CRIM1: variants seen among roughly 807,000 people sequenced by gnomAD.
CRIM1 encodes cysteine-rich motor neuron 1 protein.
Under a neutral mutation model 116.4 loss-of-function variants are expected in CRIM1, and 32 were observed. That is an observed-to-expected ratio of 0.27 (90% confidence interval 0.21 to 0.37). The LOEUF (loss-of-function observed/expected upper bound fraction) is 0.37, where lower values mean the gene tolerates loss of function less well. Ranked by LOEUF, CRIM1 falls within the 10% of genes least tolerant of loss-of-function variation. The pLI is 1.00. For missense variants in CRIM1, 1,331 were observed against 1,354.8 expected (o/e 0.98, Z 0.28); for synonymous variants, 590 against 509.2 (o/e 1.16, Z -2.13).
chr2:36,488,024 A>G (rs577411866), intron 7 of CRIM1, among the ~76,000 whole-genome samples: 2 of 152,272 alleles, frequency 1.3e-5, no homozygotes, highest in South Asian at 4.2e-4. Context: ...TAGTTATCCA[A>G]TTCCACTTCT....
At chr2:36,485,939 A>G (rs950856377) in intron 7 of CRIM1, among the ~76,000 whole-genome samples, 2 of 152,222 alleles carry the variant, frequency 1.3e-5, no homozygotes, top group African/African-American at 4.8e-5. Context: ...AACACAGTCT[A>G]TTTTTTGCTT....
intron 2 of CRIM1, among the ~76,000 whole-genome samples, chr2:36,439,864 C>T (rs981304568): frequency 1.3e-5 from 2 of 152,172 alleles, no homozygotes; most frequent in East Asian, 1.9e-4. Context: ...TCATCCTCCA[C>T]CACCATATCA....
intron 2 of CRIM1, among the ~76,000 whole-genome samples, chr2:36,424,583 G>A (rs1476509678): frequency 6.6e-6 from 1 of 152,168 alleles, no homozygotes; most frequent in African/African-American, 2.4e-5. Context: ...CATGGCCACT[G>A]TGCTACTTCA....
In CRIM1 at chr2:36,537,477, G is replaced by A. The variant is rs373582535; in HGVS notation, c.2554G>A (p.Val852Ile). The change falls in exon 14 of 17, where the codon GTC (valine) becomes ATC (isoleucine). Residue 852 changes from valine (V) to isoleucine (I), a missense_variant. Val to Ile is a conservative substitution (Grantham distance 29). This residue lies in a region of CRIM1 where 283 missense variants were observed against 242.8 expected (regional missense o/e 1.17). Transcript: ENST00000280527. ...CLQGQTLCST[V>I]SCPPLPCVEP... The stretch of plus-strand genomic sequence containing the variant: ...GCAGGGCCAGACCCTCTGCTCGACC[G>A]TCAGCTGCCCCCCTCTGCCCTGTGT... The A allele has an allele frequency of 1.1e-5, 17 of 1,614,174 alleles. No individual in the cohort carries two copies. The highest frequency in any genetic ancestry group is 2.7e-5 in the African/African-American group (2 of 75,074).
chr2:36,418,303 T>C (rs895546766), intron 2 of CRIM1, among the ~76,000 whole-genome samples: 5 of 152,164 alleles, frequency 3.3e-5, no homozygotes, highest in African/African-American at 1.2e-4. Flanking sequence ...ATGTTTGAGC[T>C]CTTTTTATTG....
intron 14 of CRIM1, among the ~76,000 whole-genome samples, chr2:36,543,183 C>T (rs2125184545): frequency 6.6e-6 from 1 of 152,274 alleles, no homozygotes; most frequent in Non-Finnish European, 1.5e-5. Context: ...TGAATCCCAG[C>T]TCTACCACTT....
At chr2:36,429,206 A>G (rs189135640) in intron 2 of CRIM1, among the ~76,000 whole-genome samples, 1 of 152,362 alleles carries the variant, frequency 6.6e-6, no homozygotes, top group African/African-American at 2.4e-5. Context: ...ATTCCCAACT[A>G]CTGGCATGTG....
intron 2 of CRIM1, among the ~76,000 whole-genome samples, chr2:36,411,231 A>G (rs60570643): frequency 0.016 from 2,459 of 152,238 alleles, 68 homozygotes; most frequent in African/African-American, 0.057. Flanking sequence ...TTCAAATACA[A>G]TTATTATGTG....
chr2:36,458,160 G>C (rs1235800966), intron 4 of CRIM1, among the ~76,000 whole-genome samples: 1 of 152,208 alleles, frequency 6.6e-6, no homozygotes, highest in African/African-American at 2.4e-5. Flanking sequence ...GGCAGAGGAA[G>C]ATCAGAGTCT....
intron 13 of CRIM1, chr2:36,529,470 C>A: frequency 5.0e-6 from 1 of 200,240 alleles, no homozygotes; most frequent in Non-Finnish European, 1.0e-5. Context: ...TTGTTTCTGC[C>A]TGCCTTTTAA....
At chr2:36,544,799 T>G (rs1667200344) in intron 15 of CRIM1, among the ~76,000 whole-genome samples, 2 of 152,208 alleles carry the variant, frequency 1.3e-5, no homozygotes, top group South Asian at 4.1e-4. Context: ...ATCTGGAACT[T>G]CTAAGCCATC....
At chr2:36,541,813 G>C (rs1162078037) in intron 14 of CRIM1, among the ~76,000 whole-genome samples, 3 of 152,116 alleles carry the variant, frequency 2.0e-5, no homozygotes, top group African/African-American at 7.2e-5. Context: ...AGCTGTAAAG[G>C]GCTCTTCTAG....
intron 1 of CRIM1, among the ~76,000 whole-genome samples, chr2:36,388,921 T>G (rs1485060677): frequency 6.6e-6 from 1 of 152,262 alleles, no homozygotes; most frequent in African/African-American, 2.4e-5. Flanking sequence ...TGTTTTTCAG[T>G]GATTTCCTCA....
chr2:36,502,940 A>T (rs553149782), intron 8 of CRIM1, among the ~76,000 whole-genome samples: 1 of 152,318 alleles, frequency 6.6e-6, no homozygotes, highest in East Asian at 1.9e-4. Context: ...GATTCTTCTT[A>T]AAGTTAGTCT....
At chr2:36,516,646 A>G (rs1277124953) in intron 11 of CRIM1, among the ~76,000 whole-genome samples, 1 of 152,190 alleles carries the variant, frequency 6.6e-6, no homozygotes, top group Non-Finnish European at 1.5e-5. Context: ...TTGATTCTAC[A>G]GGAGCATTCC....
intron 2 of CRIM1, among the ~76,000 whole-genome samples, chr2:36,403,150 T>C (rs1463515293): frequency 6.6e-6 from 1 of 152,144 alleles, no homozygotes; most frequent in Admixed American, 6.5e-5. Flanking sequence ...ATAAAATGTG[T>C]TTTCATCATT....
Position 36,396,674 on chromosome 2 carries a change from C to T in CRIM1, c.392C>T (p.Ala131Val), listed in dbSNP as rs1295136529. The T allele has an allele frequency of 1.2e-6, 2 of 1,613,266 alleles. No homozygotes were observed. The highest frequency in any genetic ancestry group is 1.7e-6 in the Non-Finnish European group (2 of 1,179,310). Residue 131 changes from alanine (A) to valine (V), a missense_variant, in exon 2 of 17, where the codon GCT becomes GTT. Ala to Val is a moderately conservative substitution (Grantham distance 64). Around this residue, in one of 3 missense-constraint regions of CRIM1, gnomAD observed 690 missense variants for 676.0 expected, o/e 1.02. Transcript: ENST00000280527. ...AAACCATGCAATGAAAACCTTATTG[C>T]TGGCTGCAATATAATCAATGGGAAA... ...GFKPCNENLI[A>V]GCNIINGKCE...
chr2:36,434,084 A>T (rs1206068644), intron 2 of CRIM1, among the ~76,000 whole-genome samples: 3 of 152,254 alleles, frequency 2.0e-5, no homozygotes, highest in African/African-American at 7.2e-5. Context: ...TGATAAAATC[A>T]TGGAATGTGT....
At chr2:36,504,761 T>C (rs994861487) in intron 8 of CRIM1, among the ~76,000 whole-genome samples, 1 of 152,230 alleles carries the variant, frequency 6.6e-6, no homozygotes, top group East Asian at 1.9e-4. Context: ...CCAGTGTCTT[T>C]TGCTAATAGA....
Sources: gnomAD v4.1 joint callset for allele counts (sites outside exome capture counted in the v4.1 genomes callset) on GRCh38, gnomAD v4.1.1 for gene constraint, gnomAD v4.1.1 regional missense constraint, MANE v1.5 for transcripts, NCBI Gene and HGNC (gene_info 2026-07-23, HGNC 2026-07-21) for gene names.